Variants in ZFAT observed in about 807,000 individuals in gnomAD.
ZFAT encodes the protein zinc finger protein ZFAT.
ZFAT carries 64 observed loss-of-function variants against 117.7 expected under a neutral mutation model. The ratio of observed to expected loss-of-function variants is 0.54; its 90% CI spans 0.44 to 0.67. ZFAT has a LOEUF of 0.67. Ranked by LOEUF, ZFAT falls within the 30% of genes least tolerant of loss-of-function variation. The pLI is 0.00. For missense variants in ZFAT, 1,433 were observed against 1,584.5 expected, an observed-to-expected ratio of 0.90 and a Z score of 1.62; for synonymous variants, 679 against 615.0, an observed-to-expected ratio of 1.10 and a Z score of -1.54.
At chr8:134,592,537 A>G (rs1206196682) in intron 7 of ZFAT, among the ~76,000 whole-genome samples, 1 of 152,204 alleles carries the variant, frequency 6.6e-6, no homozygotes, top group East Asian at 1.9e-4. Context: ...TCATCTGTAA[A>G]ATGGAAATAA....
the ZFAT span, among the ~76,000 whole-genome samples, chr8:134,751,352 G>A: frequency 3.3e-5 from 5 of 152,168 alleles, no homozygotes; most frequent in African/African-American, 1.2e-4. Context: ...CAAGGACGAA[G>A]GTCCTCAGCA....
chr8:134,743,684 C>T, the ZFAT span, among the ~76,000 whole-genome samples: 1 of 152,130 alleles, frequency 6.6e-6, no homozygotes, highest in Non-Finnish European at 1.5e-5. Flanking sequence ...TTTTCACAGT[C>T]TCACAGAGTC....
intron 11 of ZFAT, among the ~76,000 whole-genome samples, chr8:134,553,488 G>A (rs1313009451): frequency 6.6e-6 from 1 of 152,222 alleles, no homozygotes; most frequent in Non-Finnish European, 1.5e-5. Context: ...GGGCAACAGA[G>A]TGAGACTCTG....
intron 1 of ZFAT, chr8:134,696,588 T>A: frequency 1.0e-6 from 1 of 986,368 alleles, no homozygotes; most frequent in Non-Finnish European, 1.2e-6. Flanking sequence ...TAGTTATCCC[T>A]GGCTGGCACC....
At chr8:134,691,869 T>A (rs534953044) in intron 1 of ZFAT, among the ~76,000 whole-genome samples, 1 of 152,334 alleles carries the variant, frequency 6.6e-6, no homozygotes, top group South Asian at 2.1e-4. Context: ...TACCTGCATT[T>A]CCTTTATCAT....
chr8:134,615,018 G>A (rs962093193), intron 3 of ZFAT, among the ~76,000 whole-genome samples: 1 of 152,126 alleles, frequency 6.6e-6, no homozygotes, highest in African/African-American at 2.4e-5. Flanking sequence ...GAAAAACCTG[G>A]AAGAGACAAA....
At chr8:134,831,684 G>A in the ZFAT span, among the ~76,000 whole-genome samples, 1 of 152,032 alleles carries the variant, frequency 6.6e-6, no homozygotes, top group Non-Finnish European at 1.5e-5. Context: ...CACTTCACGA[G>A]CCCCGGGGAG....
intron 2 of ZFAT, among the ~76,000 whole-genome samples, chr8:134,656,071 G>T (rs1305426376): frequency 6.6e-6 from 1 of 152,188 alleles, no homozygotes; most frequent in Non-Finnish European, 1.5e-5. Flanking sequence ...GCTCAGCAGG[G>T]AAGTGGGCCA....
intron 9 of ZFAT, 64 bp from the exon 10 acceptor site, chr8:134,584,069 T>C: frequency 6.8e-7 from 1 of 1,459,894 alleles, no homozygotes; most frequent in Non-Finnish European, 9.3e-7. Context: ...TGTGTGAATC[T>C]GAAGGAATAT....
the ZFAT span, chr8:134,795,699 T>C: frequency 1.3e-5 from 2 of 152,194 alleles, no homozygotes. Context: ...GTGTGGTGTT[T>C]AATTTTTAGT....
intron 11 of ZFAT, among the ~76,000 whole-genome samples, chr8:134,547,791 T>C (rs1822810457): frequency 6.6e-6 from 1 of 152,228 alleles, no homozygotes; most frequent in African/African-American, 2.4e-5. Context: ...TCTGCTGTGA[T>C]CCTTCAGCAT....
intron 2 of ZFAT, among the ~76,000 whole-genome samples, chr8:134,638,008 A>T (rs1830330999): frequency 6.6e-6 from 1 of 151,872 alleles, no homozygotes; most frequent in Non-Finnish European, 1.5e-5. Context: ...GCGGCTGTCA[A>T]CCCCCCGTTC....
In ZFAT at chr8:134,624,229, T is replaced by C. The variant is rs562372418; in HGVS notation, c.448+13232A>G. ...ACACACACACACACACCCTTAACTC[T>C]GATGAGCTTCCCACACCTTACTAAG... On this transcript the variant is annotated intron_variant, in intron 3 of 15. Transcript: ENST00000377838. Among the ~76,000 whole-genome samples the C allele has an allele frequency of 2.3e-3, 350 of 151,186 alleles. 1 individual carries two copies. The highest frequency in any genetic ancestry group is 8.1e-3 in the African/African-American group (332 of 40,976).
intron 1 of ZFAT, among the ~76,000 whole-genome samples, chr8:134,658,337 CA>C (rs34770848): frequency 0.014 from 1,614 of 117,908 alleles, 34 homozygotes; most frequent in Middle Eastern, 0.03. Flanking sequence ...ATTCTGTCTC[CA>C]AAAAAAAAAA....
At chr8:134,808,356 C>T in the ZFAT span, among the ~76,000 whole-genome samples, 1 of 152,224 alleles carries the variant, frequency 6.6e-6, no homozygotes, top group Non-Finnish European at 1.5e-5. Context: ...TGACTACCAG[C>T]TAGCTGTGGA....
intron 11 of ZFAT, among the ~76,000 whole-genome samples, chr8:134,560,162 A>G (rs1823945443): frequency 6.6e-6 from 1 of 152,130 alleles, no homozygotes; most frequent in Admixed American, 6.5e-5. Context: ...CTCACAAACC[A>G]TTTTGGTATG....
rs758050176 is a variant in ZFAT, at chr8:134,638,549, C to CAAAAA, written c.197-842_197-838dup. ...TGAAACTCTGTCTCTACTAAAAATA[C>CAAAAA]AAAAAAAAAACAAAACAAAAAAAAA... is the stretch of plus-strand genomic sequence containing the variant. On this transcript the variant is annotated intron_variant, in intron 2 of 15. Coordinates refer to ENST00000377838, the MANE Select transcript of ZFAT (RefSeq NM_020863.4). Among the ~76,000 whole-genome samples, 209 of 101,078 alleles carry CAAAAA rather than the reference C, an allele frequency of 2.1e-3. 12 individuals are homozygous for CAAAAA. Among genetic ancestry groups the CAAAAA allele is most frequent in the Non-Finnish European group, 3.0e-3 (144 of 47,250 alleles). The allele number at this position is 101,078 out of a possible 152,430, so 66.3% of individuals were successfully genotyped here. A position where few individuals can be genotyped will look rare whatever the true frequency, so the allele number is the denominator to read the frequency against.
chr8:134,765,153 C>T, the ZFAT span: 3 of 152,148 alleles, frequency 2.0e-5, no homozygotes, highest in African/African-American at 7.2e-5. Context: ...TTTTTATACC[C>T]CGTTATTATT....
At chr8:134,792,254 C>T in the ZFAT span, 4 of 152,216 alleles carry the variant, frequency 2.6e-5, no homozygotes, top group Non-Finnish European at 4.4e-5. Context: ...CTCTAACCTT[C>T]TACCTTTCAT....
Sources: gnomAD v4.1 joint callset for allele counts (sites outside exome capture counted in the v4.1 genomes callset) on GRCh38, gnomAD v4.1.1 for gene constraint, MANE v1.5 for transcripts, NCBI Gene and HGNC (gene_info 2026-07-23, HGNC 2026-07-21) for gene names.